ODR4: variants seen among roughly 807,000 people sequenced by gnomAD.
ODR4 encodes the protein protein odr-4 homolog.
ODR4 carries 47 observed loss-of-function variants against 60.2 expected under a neutral mutation model. That is an observed-to-expected ratio of 0.78 (90% CI 0.62 to 1.00). The LOEUF is 1.00. ODR4 is among the 50% of genes least tolerant of loss of function. The probability of loss-of-function intolerance (pLI) is 0.00; values close to 1 mark genes in which losing one functional copy is unlikely to be tolerated. For missense variants in ODR4, 488 were observed against 530.8 expected (o/e 0.92, Z 0.79); for synonymous variants, 178 against 175.5 (o/e 1.01, Z -0.11).
chr1:186,419,074 T>G lies in ODR4; in HGVS notation c.1363T>G (p.Ter455GluextTer8). ...TATCTCCTTTCATTACTTCAGTGAT[T>G]AGGGTGAGGCACAAAGAGTTTCTTG... ...AGISFHYFSD[*>E] The change falls in exon 14 of 14, where the codon TAG becomes GAG. Residue 455 changes from the stop codon to glutamate (E), a stop_lost. Coordinates refer to ENST00000287859, the MANE Select transcript of ODR4 (RefSeq NM_017847.6). 6.2e-7 allele frequency: 1 copy of G among 1,609,434 alleles called. No homozygotes were observed. The highest frequency in any genetic ancestry group is 8.5e-7 in the Non-Finnish European group (1 of 1,177,436).
At chr1:186,409,322 C>T (rs1170397885) in intron 12 of ODR4, among the ~76,000 whole-genome samples, 2 of 152,168 alleles carry the variant, frequency 1.3e-5, no homozygotes, top group Non-Finnish European at 2.9e-5. Context: ...CTCATGAAAC[C>T]GTTACATGTG....
chr1:186,405,679 G>A (rs1419794540), intron 11 of ODR4, among the ~76,000 whole-genome samples: 6 of 152,076 alleles, frequency 3.9e-5, no homozygotes, highest in African/African-American at 2.4e-5. Context: ...AGCCTCCTGA[G>A]TAGCTGGGAT....
intron 9 of ODR4, among the ~76,000 whole-genome samples, chr1:186,397,292 A>G (rs1272983099): frequency 6.6e-6 from 1 of 152,132 alleles, no homozygotes; most frequent in Non-Finnish European, 1.5e-5. Context: ...AGCACTTTTC[A>G]CAAGTTGTAT....
the ODR4 span, among the ~76,000 whole-genome samples, chr1:186,431,644 G>T: frequency 6.6e-6 from 1 of 152,112 alleles, no homozygotes; most frequent in Admixed American, 6.6e-5. Context: ...CCAATGAGAA[G>T]AATAATCTGG....
At chr1:186,410,456 G>A (rs553052959) in intron 12 of ODR4, among the ~76,000 whole-genome samples, 1 of 152,160 alleles carries the variant, frequency 6.6e-6, no homozygotes, top group South Asian at 2.1e-4. Context: ...CTTATGCTCT[G>A]TTCAAGACAA....
intron 1 of ODR4, among the ~76,000 whole-genome samples, chr1:186,378,789 C>T (rs1659898187): frequency 6.6e-6 from 1 of 152,190 alleles, no homozygotes; most frequent in Non-Finnish European, 1.5e-5. Context: ...ATGGTACCCA[C>T]TTCCTGGGGT....
intron 9 of ODR4, among the ~76,000 whole-genome samples, chr1:186,397,290 T>C (rs1369495416): frequency 1.3e-5 from 2 of 152,218 alleles, no homozygotes; most frequent in African/African-American, 4.8e-5. Flanking sequence ...AAAGCACTTT[T>C]CACAAGTTGT....
intron 12 of ODR4, among the ~76,000 whole-genome samples, chr1:186,410,744 G>A (rs896378629): frequency 2.0e-5 from 3 of 152,122 alleles, no homozygotes; most frequent in African/African-American, 4.8e-5. Flanking sequence ...GGCTGGGTGC[G>A]GTGGCTCACG....
intron 12 of ODR4, among the ~76,000 whole-genome samples, chr1:186,408,247 G>C (rs1160634773): frequency 1.3e-5 from 2 of 151,982 alleles, no homozygotes; most frequent in Admixed American, 1.3e-4. Context: ...TTTGGTTTTA[G>C]GGTCTGTGCT....
At chr1:186,421,936 A>G (rs114915516), downstream of ODR4, among the ~76,000 whole-genome samples, 1,049 of 151,968 alleles carry the variant, frequency 6.9e-3, 11 homozygotes, top group African/African-American at 0.024. Flanking sequence ...TAGGTATGCA[A>G]TAACCTAGTA....
At position 186,398,377 on chromosome 1, in the gene ODR4, A is replaced by T; in HGVS notation, c.845A>T (p.Lys282Met). ...VQICSGSVNLKGAVKCRAYIH... is the reference protein window; with the variant it reads ...VQICSGSVNLMGAVKCRAYIH... ...ATATGTAGCGGTTCTGTAAACCTTA[A>T]GGGTGCTGTGAAATGCAGAGCTTAT... The change falls in exon 10 of 14, where the codon AAG becomes ATG. Residue 282 changes from lysine (K) to methionine (M), a missense_variant. Coordinates refer to ENST00000287859, the MANE Select transcript of ODR4 (RefSeq NM_017847.6). 1 of 1,611,774 alleles carries T rather than the reference A, an allele frequency of 6.2e-7. No homozygotes were observed. Among genetic ancestry groups the T allele is most frequent in the Non-Finnish European group, 8.5e-7 (1 of 1,178,638 alleles).
At chr1:186,405,583 C>T (rs1440877514) in intron 11 of ODR4, among the ~76,000 whole-genome samples, 4 of 152,042 alleles carry the variant, frequency 2.6e-5, no homozygotes, top group Non-Finnish European at 4.4e-5. Context: ...GATGGAGTCT[C>T]GCTCTGTTGC....
At chr1:186,416,221 A>T (rs1376498091) in intron 12 of ODR4, among the ~76,000 whole-genome samples, 1 of 152,158 alleles carries the variant, frequency 6.6e-6, no homozygotes, top group African/African-American at 2.4e-5. Context: ...TGAAATTATT[A>T]ATTGCTAAAA....
intron 12 of ODR4, among the ~76,000 whole-genome samples, chr1:186,410,269 A>G (rs1385325842): frequency 6.6e-6 from 1 of 152,244 alleles, no homozygotes; most frequent in Non-Finnish European, 1.5e-5. Context: ...GGGTTTAAAA[A>G]GTCTATAATA....
rs186533770 is a variant in ODR4, at chr1:186,398,340, G to A, written c.808G>A (p.Ala270Thr). 63 of 1,604,292 alleles carry A rather than the reference G, an allele frequency of 3.9e-5. No homozygotes were observed. In the Middle Eastern group the frequency reaches 5.0e-4, roughly 13 times the overall value. ...LLLNSDHRST[A>T]TVQICSGSVN... ...CCTGAATTCAGACCACAGATCCACA[G>A]CCACAGTCCAGATATGTAGCGGTTC... Residue 270 changes from alanine to threonine, a missense_variant, in exon 10 of 14, where the codon GCC (alanine) becomes ACC (threonine). Coordinates refer to ENST00000287859, the MANE Select transcript of ODR4 (RefSeq NM_017847.6).
intron 11 of ODR4, 113 bp downstream of exon 11, chr1:186,399,157 A>T (rs1469507368): frequency 2.6e-6 from 2 of 771,598 alleles, no homozygotes; most frequent in Non-Finnish European, 4.5e-6. Context: ...ATTTTCAAGC[A>T]GTATATCATC....
intron 4 of ODR4, among the ~76,000 whole-genome samples, chr1:186,386,615 A>G (rs1660262168): frequency 6.6e-6 from 1 of 152,212 alleles, no homozygotes; most frequent in African/African-American, 2.4e-5. Flanking sequence ...CAGAAAAACT[A>G]CATATTTTAA....
At chr1:186,384,018 G>A (rs1484901671) in intron 3 of ODR4, among the ~76,000 whole-genome samples, 2 of 152,152 alleles carry the variant, frequency 1.3e-5, no homozygotes, top group East Asian at 1.9e-4. Flanking sequence ...CAGACTGGGC[G>A]ACAAAGCGAG....
the ODR4 span, among the ~76,000 whole-genome samples, chr1:186,428,113 G>T: frequency 1.3e-5 from 2 of 152,286 alleles, no homozygotes; most frequent in South Asian, 4.1e-4. Context: ...ACAAGAGTCC[G>T]TCTGTCCTTT....
Sources: allele counts gnomAD v4.1 joint callset (sites outside exome capture counted in the v4.1 genomes callset), GRCh38; gene constraint gnomAD v4.1.1; transcripts MANE v1.5; gene names NCBI Gene and HGNC (gene_info 2026-07-23, HGNC 2026-07-21).